TALDO1: variants seen among roughly 807,000 people sequenced by gnomAD.
The protein encoded by TALDO1 is transaldolase 1.
A neutral mutation model predicts 38.1 loss-of-function variants in TALDO1; 29 were observed. The observed-to-expected ratio is 0.76, with a 90% CI of 0.57 to 1.04. The LOEUF (loss-of-function observed/expected upper bound fraction) is 1.04. Ranked by LOEUF, TALDO1 falls within the 50% of genes least tolerant of loss-of-function variation. TALDO1 has a pLI of 0.00. For synonymous variants in TALDO1, 207 were observed against 176.8 expected, an observed-to-expected ratio of 1.17 and a Z score of -1.36; for missense variants, 499 against 438.1, an observed-to-expected ratio of 1.14 and a Z score of -1.24.
At chr11:760,349 TG>T in intron 4 of TALDO1, 96 bp downstream of exon 4, 2 of 1,573,316 alleles carry the variant, frequency 1.3e-6, no homozygotes, top group African/African-American at 1.3e-5. Flanking sequence ...CTCTCAGCCC[TG>T]GGGAATGCCA....
Position 764,390 on chromosome 11 carries a change from G to A in TALDO1, c.938G>A (p.Arg313His), listed in dbSNP as rs143237187. 29 of 1,613,146 alleles carry A rather than the reference G, an allele frequency of 1.8e-5. No individual in the cohort carries two copies. Among genetic ancestry groups the A allele is most frequent in the Admixed American group, 6.7e-5 (4 of 59,858 alleles). Residue 313 changes from arginine (R) to histidine (H), a missense_variant, in exon 7 of 8, where the codon CGC (arginine) becomes CAC (histidine). By Grantham distance (29) the Arg-to-His change is conservative. Coordinates refer to ENST00000319006, the MANE Select transcript of TALDO1 (RefSeq NM_006755.2). ...GTGGAGAAGCTCTCTGACGGGATCCGCAAGTTTGCCGCTGATGCAGTGAAG... is the reference window on the plus strand; with the variant it reads ...GTGGAGAAGCTCTCTGACGGGATCCACAAGTTTGCCGCTGATGCAGTGAAG... Reference protein sequence around the residue: ...MAVEKLSDGIRKFAADAVKLE... With the variant: ...MAVEKLSDGIHKFAADAVKLE...
chr11:764,110 CTCAAG>C (rs1863007939), intron 6 of TALDO1, 166 bp downstream of exon 6: 6 of 1,362,844 alleles, frequency 4.4e-6, no homozygotes, highest in Non-Finnish European at 5.1e-6. Context: ...ACACATCTCA[CTCAAG>C]TCATCAGCCA....
intron 1 of TALDO1, among the ~76,000 whole-genome samples, chr11:751,687 C>G (rs754494719): frequency 6.6e-6 from 1 of 152,056 alleles, no homozygotes; most frequent in South Asian, 2.1e-4. Flanking sequence ...CCCAGCTACT[C>G]GAGAGGCTGA....
At chr11:762,704 A>G (rs978625367) in intron 4 of TALDO1, among the ~76,000 whole-genome samples, 16 of 152,246 alleles carry the variant, frequency 1.1e-4, no homozygotes, top group African/African-American at 3.9e-4. Flanking sequence ...CCCCAGCCAC[A>G]TGGCAAAGTA....
intron 1 of TALDO1, 79 bp downstream of exon 1, chr11:747,657 T>C: frequency 1.6e-6 from 2 of 1,276,938 alleles, no homozygotes; most frequent in Non-Finnish European, 2.1e-6. Flanking sequence ...GGGTCTCCCG[T>C]TCCGGGACGC....
At chr11:749,077 C>T (rs1198360070) in intron 1 of TALDO1, among the ~76,000 whole-genome samples, 1 of 152,092 alleles carries the variant, frequency 6.6e-6, no homozygotes, top group Non-Finnish European at 1.5e-5. Context: ...GCTGGGGAGT[C>T]CTGGGTTTCT....
intron 3 of TALDO1, 30 bp downstream of exon 3, chr11:759,087 G>A: frequency 6.3e-7 from 1 of 1,589,032 alleles, no homozygotes; most frequent in South Asian, 1.1e-5. Flanking sequence ...CACTGGATGG[G>A]CTGGTCAGGT....
chr11:749,923 T>G (rs369782388), intron 1 of TALDO1, among the ~76,000 whole-genome samples: 2 of 152,198 alleles, frequency 1.3e-5, no homozygotes, highest in African/African-American at 4.8e-5. Flanking sequence ...TGCACAGAAG[T>G]TGCAAAATCA....
chr11:749,364 T>G (rs1862712743), intron 1 of TALDO1, among the ~76,000 whole-genome samples: 1 of 130,942 alleles, frequency 7.6e-6, no homozygotes. Flanking sequence ...ATCACACCAC[T>G]GCACTCCAGC....
At chr11:755,534 C>T (rs542227044) in intron 1 of TALDO1, among the ~76,000 whole-genome samples, 1 of 152,102 alleles carries the variant, frequency 6.6e-6, no homozygotes, top group African/African-American at 2.4e-5. Flanking sequence ...ATGACTAGAC[C>T]GCGCGCCTCC....
intron 1 of TALDO1, among the ~76,000 whole-genome samples, chr11:752,674 G>A (rs953729211): frequency 6.6e-6 from 1 of 152,166 alleles, no homozygotes; most frequent in Non-Finnish European, 1.5e-5. Flanking sequence ...GGGCATGGAG[G>A]CACCGTGCCC....
At chr11:758,316 G>T (rs1173640128) in intron 2 of TALDO1, among the ~76,000 whole-genome samples, 1 of 151,980 alleles carries the variant, frequency 6.6e-6, no homozygotes, top group Non-Finnish European at 1.5e-5. Flanking sequence ...GTATAGAGGT[G>T]TGCAGCTGTA....
chr11:756,738 G>C (rs1024628205), intron 2 of TALDO1, among the ~76,000 whole-genome samples: 4 of 151,988 alleles, frequency 2.6e-5, no homozygotes, highest in Non-Finnish European at 5.9e-5. Flanking sequence ...GGCCGGTCTC[G>C]AACTTCTTAC....
At chr11:751,148 G>A (rs775816566) in intron 1 of TALDO1, among the ~76,000 whole-genome samples, 1 of 151,966 alleles carries the variant, frequency 6.6e-6, no homozygotes, top group Non-Finnish European at 1.5e-5. Context: ...CTGCAGCCTT[G>A]ACCTCCTGGG....
chr11:764,353 G>C lies in TALDO1; in HGVS notation c.901G>C (p.Asp301His). Reference sequence around the variant, plus strand: ...GTCTTTCCGTTGGTTGCACAACGAGGACCAGATGGCTGTGGAGAAGCTCTC... The same window carrying C: ...GTCTTTCCGTTGGTTGCACAACGAGCACCAGATGGCTGTGGAGAAGCTCTC... ...EKSFRWLHNE[D>H]QMAVEKLSDG... Residue 301 changes from aspartate to histidine, a missense_variant, in exon 7 of 8, where the codon GAC becomes CAC. Coordinates refer to ENST00000319006, the MANE Select transcript of TALDO1 (RefSeq NM_006755.2). 1 of 1,614,266 alleles carries C rather than the reference G, an allele frequency of 6.2e-7. No homozygotes were observed. The highest frequency in any genetic ancestry group is 8.5e-7 in the Non-Finnish European group (1 of 1,180,048).
At chr11:763,174 G>GCCCCC in intron 4 of TALDO1, among the ~76,000 whole-genome samples, 170 bp from the exon 5 acceptor site, 2 of 142,878 alleles carry the variant, frequency 1.4e-5, no homozygotes, top group African/African-American at 5.5e-5. Context: ...GTGGGCACCT[G>GCCCCC]GCCTGCATTC....
Position 763,368 on chromosome 11 carries a change from C to G in TALDO1, c.486C>G (p.Ile162Met), listed in dbSNP as rs766851420. Reference protein sequence around the residue: ...AGKELEEQHGIHCNMTLLFSF... With the variant: ...AGKELEEQHGMHCNMTLLFSF... ...GGGAGCTCGAGGAGCAGCACGGCATCCACTGCAACATGACGTTACTCTTCT... is the reference window on the plus strand; with the variant it reads ...GGGAGCTCGAGGAGCAGCACGGCATGCACTGCAACATGACGTTACTCTTCT... Residue 162 changes from isoleucine to methionine, a missense_variant, in exon 5 of 8, where the codon ATC becomes ATG. By Grantham distance (10) the Ile-to-Met change is conservative. Coordinates refer to ENST00000319006, the MANE Select transcript of TALDO1 (RefSeq NM_006755.2). 9.3e-6 allele frequency: 15 copies of G among 1,611,058 alleles called. No homozygotes were observed. The Admixed American group carries it at 2.2e-4, about 23-fold the overall frequency.
chr11:760,373 C>G, intron 4 of TALDO1, 120 bp downstream of exon 4: 1 of 1,477,442 alleles, frequency 6.8e-7, no homozygotes. Context: ...CTGGGGAGCA[C>G]AGCCCACAGC....
At chr11:761,758 A>T (rs1472702480) in intron 4 of TALDO1, among the ~76,000 whole-genome samples, 2 of 152,112 alleles carry the variant, frequency 1.3e-5, no homozygotes, top group African/African-American at 4.8e-5. Flanking sequence ...GGCTCACTGC[A>T]GCCTTGACTC....
Sources: allele counts gnomAD v4.1 joint callset (sites outside exome capture counted in the v4.1 genomes callset), GRCh38; gene constraint gnomAD v4.1.1; transcripts MANE v1.5; gene names NCBI Gene and HGNC (gene_info 2026-07-23, HGNC 2026-07-21).